NLRP12: variants seen among roughly 807,000 people sequenced by gnomAD.
The protein encoded by NLRP12 is NLR family pyrin domain containing 12.
Under a neutral mutation model 91.2 loss-of-function variants are expected in NLRP12, and 108 were observed. The observed-to-expected ratio is 1.18, with a 90% CI of 1.01 to 1.39. The LOEUF is 1.39. NLRP12 is among the 40% of genes most tolerant of loss of function. NLRP12 has a pLI of 0.00. For synonymous variants in NLRP12, 613 were observed against 566.7 expected (o/e 1.08, Z -1.16); for missense variants, 1,530 against 1,352.7 (o/e 1.13, Z -2.06).
At chr19:53,803,846 T>C in intron 6 of NLRP12, 106 bp downstream of exon 6, 1 of 1,145,980 alleles carries the variant, frequency 8.7e-7, no homozygotes, top group South Asian at 1.3e-5. Context: ...AGTGCCGGGA[T>C]TACAGGCGTG....
rs1600700389 is a variant in NLRP12, at chr19:53,807,551, C to CAA, written c.2186_2187insTT (p.Val730TrpfsTer2). 1.2e-6 allele frequency: 2 copies of CAA among 1,614,118 alleles called. No homozygotes were observed. The highest frequency in any genetic ancestry group is 1.6e-4 in the Middle Eastern group (1 of 6,062). On this transcript the variant is annotated frameshift_variant, in exon 4 of 10. Transcript: ENST00000324134. LOFTEE classifies it high-confidence loss of function. ...TGAGTCCTTGACAGAGCAGCTTCAC[C>CAA]CCCCGGCTGCCCAGGGCATTTCGGT...
rs758518495 is a variant in NLRP12 at position 53,810,411 on chromosome 19, C to G, written c.1248G>C (p.Gln416His). 3 of 1,613,804 alleles carry G rather than the reference C, an allele frequency of 1.9e-6. No individual in the cohort carries two copies. Among genetic ancestry groups the G allele is most frequent in the African/African-American group, 2.7e-5 (2 of 74,928 alleles). ...VCWVVCTCLQ[Q>H]QLEGGGLLRQ... ...TCAACAGCCCCCCACCCTCCAGCTG[C>G]TGCTGGAGGCAGGTACACACCACCC... The change falls in exon 3 of 10, where the codon CAG becomes CAC. Residue 416 changes from glutamine to histidine, a missense_variant. Gln to His is a conservative substitution (Grantham distance 24, BLOSUM62 0). Coordinates refer to ENST00000324134, the MANE Select transcript of NLRP12 (RefSeq NM_144687.4).
intron 6 of NLRP12, 126 bp downstream of exon 6, chr19:53,803,826 G>C (rs2091911811): frequency 2.2e-6 from 2 of 897,196 alleles, no homozygotes; most frequent in Non-Finnish European, 3.6e-6. Context: ...TGCCCTCTTT[G>C]GCCTCCCAAA....
In NLRP12 at chr19:53,795,875, T is replaced by A; in HGVS notation, c.3082A>T (p.Lys1028Ter). The change falls in exon 9 of 10, where the codon AAA (lysine) becomes TAA (stop). Residue 1028 changes from lysine (K) to a stop codon, truncating the protein, a stop_gained. Transcript: ENST00000324134. LOFTEE classifies it low-confidence loss of function (END_TRUNC). ...ATCCCTCACCAGAGGACTCGGAGTT[T>A]GCAGCCAGGATGGCTCAGCCGCTTG... ...LCKRLSHPGCKLRVLWLFGMD... is the reference protein window; with the variant it reads ...LCKRLSHPGC 6.2e-7 allele frequency: 1 copy of A among 1,614,090 alleles called. No homozygotes were observed. The highest frequency in any genetic ancestry group is 1.1e-5 in the South Asian group (1 of 91,078).
In NLRP12 at chr19:53,811,108, G is replaced by A. The variant is rs2092066775; in HGVS notation, c.551C>T (p.Ala184Val). Residue 184 changes from alanine to valine, a missense_variant, in exon 3 of 10, where the codon GCG (alanine) becomes GTG (valine). Transcript: ENST00000324134. ...QQLLDTGRGH[A>V]RTVGHQASPI... ...GCTAGCCTGGTGTCCCACGGTCCTCGCGTGTCCCCGGCCTGTGTCCAGAAG... is the reference window on the plus strand; with the variant it reads ...GCTAGCCTGGTGTCCCACGGTCCTCACGTGTCCCCGGCCTGTGTCCAGAAG... 2.5e-6 allele frequency: 4 copies of A among 1,614,024 alleles called. No individual in the cohort carries two copies. The highest frequency in any genetic ancestry group is 3.3e-4 in the Middle Eastern group (2 of 6,062).
chr19:53,799,694 G>A (rs751462025), intron 7 of NLRP12, among the ~76,000 whole-genome samples: 1 of 151,892 alleles, frequency 6.6e-6, no homozygotes, highest in Non-Finnish European at 1.5e-5. Flanking sequence ...TGTTGGCCAG[G>A]CTAGTCTTGA....
intron 6 of NLRP12, among the ~76,000 whole-genome samples, chr19:53,803,312 G>A (rs1010361061): frequency 6.6e-6 from 1 of 151,936 alleles, no homozygotes; most frequent in African/African-American, 2.4e-5. Flanking sequence ...CTCCCGAGTA[G>A]TTGGGATTAT....
Position 53,810,803 on chromosome 19 carries a change from G to A in NLRP12, c.856C>T (p.Pro286Ser), listed in dbSNP as rs752020239. ...SAPLQELIRV[P>S]ERLLFIIDGF... ...TCGATGATGAAAAGGAGGCGCTCGG[G>A]AACTCGGATGAGCTCCTGGAGAGGC... is the stretch of plus-strand genomic sequence containing the variant. Residue 286 changes from proline to serine, a missense_variant, in exon 3 of 10, where the codon CCC (proline) becomes TCC (serine). By Grantham distance (74) the Pro-to-Ser change is moderately conservative. Coordinates refer to ENST00000324134, the MANE Select transcript of NLRP12 (RefSeq NM_144687.4). The A allele has an allele frequency of 6.2e-7, 1 of 1,614,076 alleles. No homozygotes were observed. The highest frequency in any genetic ancestry group is 1.7e-5 in the Admixed American group (1 of 59,986).
Position 53,823,911 on chromosome 19 carries a change from T to C in NLRP12, c.264A>G (p.Arg88=). The C allele has an allele frequency of 1.2e-6, 2 of 1,613,988 alleles. No individual in the cohort carries two copies. The highest frequency in any genetic ancestry group is 1.7e-6 in the Non-Finnish European group (2 of 1,180,010). The part of the protein sequence containing the change: ...ERINRKDLWE[R]GQREDLVRDT... Reference sequence around the variant, plus strand: ...CCCTCACCAGGTCCTCTCTCTGTCCTCTCTCCCACAGGTCCTTCCTGTTTA... The same window carrying C: ...CCCTCACCAGGTCCTCTCTCTGTCCCCTCTCCCACAGGTCCTTCCTGTTTA... The change falls in exon 1 of 10, where the codon AGA becomes AGG. Residue 88 remains arginine (R), a synonymous_variant. Coordinates refer to ENST00000324134, the MANE Select transcript of NLRP12 (RefSeq NM_144687.4).
intron 9 of NLRP12, 36 bp from the exon 10 acceptor site, chr19:53,794,172 T>G: frequency 8.3e-6 from 11 of 1,328,560 alleles, no homozygotes; most frequent in South Asian, 1.2e-5. Context: ...TCCAGTGTAC[T>G]ACTGTGGCAT....
chr19:53,804,127 G>A lies in NLRP12; in HGVS notation c.2415-5C>T. On this transcript the variant is annotated splice_polypyrimidine_tract_variant and splice_region_variant and intron_variant, in intron 5 of 9. Transcript: ENST00000324134. ...TCCAGCTGACACTTCCTCAACCTTG[G>A]GAGGAAGGAGAGGTTGAAGGGGACG... The A allele has an allele frequency of 6.2e-7, 1 of 1,613,826 alleles. No homozygotes were observed. The highest frequency in any genetic ancestry group is 8.5e-7 in the Non-Finnish European group (1 of 1,179,906).
intron 6 of NLRP12, among the ~76,000 whole-genome samples, chr19:53,802,370 A>G (rs1423670875): frequency 6.6e-6 from 1 of 152,080 alleles, no homozygotes; most frequent in Non-Finnish European, 1.5e-5. Flanking sequence ...GAAAACCACG[A>G]TAAGATAGCA....
At chr19:53,823,580 G>A (rs1029194008) in intron 1 of NLRP12, among the ~76,000 whole-genome samples, 3 of 144,986 alleles carry the variant, frequency 2.1e-5, no homozygotes, top group Non-Finnish European at 3.0e-5. Flanking sequence ...GCAAGGTCTC[G>A]TTCTGTCACC....
chr19:53,824,167 C>G lies in NLRP12; in HGVS notation c.8G>C (p.Arg3Pro), dbSNP rs753733591. 1.2e-6 allele frequency: 2 copies of G among 1,613,796 alleles called. No individual in the cohort carries two copies. Among genetic ancestry groups the G allele is most frequent in the Non-Finnish European group, 1.7e-6 (2 of 1,179,998 alleles). ML[R>P]TAGRDGLCRL... ...ACAGAGGCCGTCCCTGCCTGCGGTT[C>G]GTAGCATGGGGGTGCCGTGAGCCCC... The change falls in exon 1 of 10, where the codon CGA (arginine) becomes CCA (proline). Residue 3 changes from arginine to proline, a missense_variant. Coordinates refer to ENST00000324134, the MANE Select transcript of NLRP12 (RefSeq NM_144687.4).
intron 1 of NLRP12, among the ~76,000 whole-genome samples, chr19:53,821,182 C>T (rs1008719777): frequency 6.6e-6 from 1 of 151,552 alleles, no homozygotes; most frequent in African/African-American, 2.4e-5. Context: ...ATTACTGGCG[C>T]CCGCCACCAC....
chr19:53,801,452 T>G, intron 6 of NLRP12, 55 bp from the exon 7 acceptor site: 1 of 1,267,566 alleles, frequency 7.9e-7, no homozygotes, highest in Non-Finnish European at 1.1e-6. Flanking sequence ...CTTTTTCTTT[T>G]TTTTTTTTTT....
chr19:53,817,617 TC>T lies in NLRP12; in HGVS notation c.290-2630del, dbSNP rs1253785512. ...TGGGCGTGGTGGCAGATGCCTGTAA[TC>T]CCAGCTACTTGGGAGGCTGAGGCAG... On this transcript the variant is annotated intron_variant, in intron 1 of 9. Transcript: ENST00000324134. Among the ~76,000 whole-genome samples, 4 of 151,644 alleles carry T rather than the reference TC, an allele frequency of 2.6e-5. No individual in the cohort carries two copies. In the East Asian group the frequency reaches 5.9e-4, roughly 22 times the overall value.
At chr19:53,824,396 G>T (rs749549889), upstream of NLRP12, 19 of 568,766 alleles carry the variant, frequency 3.3e-5, no homozygotes, top group Non-Finnish European at 5.7e-5. Context: ...CTCACCAATG[G>T]CTGTTCTGGG....
intron 8 of NLRP12, among the ~76,000 whole-genome samples, 155 bp downstream of exon 8, chr19:53,798,086 CAG>C (rs1407644902): frequency 1.3e-5 from 2 of 152,330 alleles, no homozygotes; most frequent in African/African-American, 4.8e-5. Context: ...AGAATAAGTT[CAG>C]AGAGACTTCC....
Sources: gnomAD v4.1 joint callset for allele counts (sites outside exome capture counted in the v4.1 genomes callset) on GRCh38, gnomAD v4.1.1 for gene constraint, MANE v1.5 for transcripts, NCBI Gene and HGNC (gene_info 2026-07-23, HGNC 2026-07-21) for gene names.